Variants in RFTN2 observed in about 807,000 individuals in gnomAD.
RFTN2 encodes the protein raftlin family member 2, also known as raftlin-2.
RFTN2 carries 34 observed loss-of-function variants against 52.7 expected under a neutral mutation model. That is an observed-to-expected ratio of 0.64 (90% CI 0.49 to 0.86). RFTN2 has a LOEUF of 0.86. RFTN2 is among the 40% of genes least tolerant of loss of function. The probability of loss-of-function intolerance (pLI) is 0.00; values close to 1 mark genes in which losing one functional copy is unlikely to be tolerated. For missense variants in RFTN2, 536 were observed against 600.1 expected, an observed-to-expected ratio of 0.89 and a Z score of 1.12; for synonymous variants, 203 against 217.7, an observed-to-expected ratio of 0.93 and a Z score of 0.59.
At chr2:197,665,334 T>C (rs2089036613) in intron 1 of RFTN2, among the ~76,000 whole-genome samples, 1 of 152,166 alleles carries the variant, frequency 6.6e-6, no homozygotes, top group African/African-American at 2.4e-5. Context: ...ACTGTCTGGA[T>C]GATCTGTCTA....
At chr2:197,616,602 T>A (rs996710671) in intron 6 of RFTN2, among the ~76,000 whole-genome samples, 3 of 152,068 alleles carry the variant, frequency 2.0e-5, no homozygotes, top group African/African-American at 7.2e-5. Context: ...GAGGCTGCAT[T>A]TTAACACGAG....
intron 5 of RFTN2, among the ~76,000 whole-genome samples, chr2:197,627,650 G>A (rs2088387638): frequency 6.6e-6 from 1 of 152,314 alleles, no homozygotes; most frequent in South Asian, 2.1e-4. Flanking sequence ...GCCTTAAGAT[G>A]TGGTATCCTA....
At chr2:197,573,650 G>C (rs2087364101) in intron 8 of RFTN2, among the ~76,000 whole-genome samples, 1 of 152,242 alleles carries the variant, frequency 6.6e-6, no homozygotes, top group African/African-American at 2.4e-5. Context: ...TAAGTAACAA[G>C]GAGCCAAATG....
Position 197,572,256 on chromosome 2 carries a change from C to A in RFTN2, c.1258G>T (p.Gly420Cys). 1 of 1,614,014 alleles carries A rather than the reference C, an allele frequency of 6.2e-7. No homozygotes were observed. The highest frequency in any genetic ancestry group is 8.5e-7 in the Non-Finnish European group (1 of 1,179,844). Residue 420 changes from glycine to cysteine, a missense_variant, in exon 9 of 9, where the codon GGT (glycine) becomes TGT (cysteine). By Grantham distance (159) the Gly-to-Cys change is radical. Coordinates refer to ENST00000295049, the MANE Select transcript of RFTN2 (RefSeq NM_144629.3). ...CTAGTGGCTTTATTCTTGTCTTCACCTTTTATGTGGCGGCTGGCTTTCTTC... is the reference window on the plus strand; with the variant it reads ...CTAGTGGCTTTATTCTTGTCTTCACATTTTATGTGGCGGCTGGCTTTCTTC... Reference protein sequence around the residue: ...PDKKASRHIKGEDKNKATSRS... With the variant: ...PDKKASRHIKCEDKNKATSRS...
intron 2 of RFTN2, among the ~76,000 whole-genome samples, chr2:197,645,581 C>G (rs2088736311): frequency 6.6e-6 from 1 of 152,038 alleles, no homozygotes; most frequent in East Asian, 1.9e-4. Flanking sequence ...TCTAGGCTGG[C>G]AAAAATGGTT....
At chr2:197,603,549 C>T (rs551319370) in intron 7 of RFTN2, among the ~76,000 whole-genome samples, 2 of 152,098 alleles carry the variant, frequency 1.3e-5, no homozygotes, top group African/African-American at 4.8e-5. Context: ...ATTCCTGGGC[C>T]CAAGCTATCC....
intron 8 of RFTN2, among the ~76,000 whole-genome samples, chr2:197,590,447 T>C (rs779341151): frequency 1.3e-5 from 2 of 152,126 alleles, no homozygotes; most frequent in African/African-American, 2.4e-5. Context: ...CTCCATAACT[T>C]CCGAAGAAAA....
chr2:197,665,287 G>C (rs1287115229), intron 1 of RFTN2, among the ~76,000 whole-genome samples: 1 of 151,974 alleles, frequency 6.6e-6, no homozygotes, highest in African/African-American at 2.4e-5. Flanking sequence ...AAATCTATTG[G>C]TTTATAATAA....
chr2:197,608,272 A>G (rs557399139), intron 7 of RFTN2, among the ~76,000 whole-genome samples: 41 of 151,120 alleles, frequency 2.7e-4, no homozygotes, highest in Middle Eastern at 3.5e-3. Context: ...GAGAAGACCA[A>G]TTTCTCTTGT....
At chr2:197,575,033 T>A (rs1391284709) in intron 8 of RFTN2, among the ~76,000 whole-genome samples, 1 of 152,198 alleles carries the variant, frequency 6.6e-6, no homozygotes, top group African/African-American at 2.4e-5. Context: ...GAATTGTAGC[T>A]CCCATAATTC....
At chr2:197,592,054 G>A (rs190974229) in intron 8 of RFTN2, among the ~76,000 whole-genome samples, 153 of 152,302 alleles carry the variant, frequency 1.0e-3, no homozygotes, top group African/African-American at 3.3e-3. Flanking sequence ...CAGAGTGGGC[G>A]CCCAGGCTGA....
intron 8 of RFTN2, among the ~76,000 whole-genome samples, chr2:197,578,793 G>T (rs554025635): frequency 1.9e-4 from 29 of 152,216 alleles, no homozygotes; most frequent in African/African-American, 6.7e-4. Context: ...GCCGTGATTC[G>T]GATTGGGGGA....
chr2:197,631,575 T>C (rs2088469875), intron 4 of RFTN2, among the ~76,000 whole-genome samples: 1 of 152,252 alleles, frequency 6.6e-6, no homozygotes, highest in Non-Finnish European at 1.5e-5. Flanking sequence ...GGTATCCTAC[T>C]GTAGATATGA....
At chr2:197,625,522 G>T (rs2088339788) in intron 5 of RFTN2, among the ~76,000 whole-genome samples, 1 of 152,078 alleles carries the variant, frequency 6.6e-6, no homozygotes, top group South Asian at 2.1e-4. Context: ...ACTCTAAAAA[G>T]AATCTTAGCC....
chr2:197,594,103 C>T (rs551029525), intron 8 of RFTN2, among the ~76,000 whole-genome samples: 3 of 150,176 alleles, frequency 2.0e-5, no homozygotes, highest in South Asian at 2.1e-4. Context: ...ACAACCTCTA[C>T]CTCCTGGGTT....
At chr2:197,652,985 T>C (rs1184143664) in intron 1 of RFTN2, among the ~76,000 whole-genome samples, 1 of 152,210 alleles carries the variant, frequency 6.6e-6, no homozygotes, top group Non-Finnish European at 1.5e-5. Context: ...GGCAGGAGGC[T>C]CACTAAGTTC....
chr2:197,644,347 G>T, intron 2 of RFTN2, 75 bp from the exon 3 acceptor site: 1 of 786,398 alleles, frequency 1.3e-6, no homozygotes, highest in Non-Finnish European at 2.2e-6. Flanking sequence ...GTGAAAATGA[G>T]TGAGCAACTC....
chr2:197,626,288 T>C (rs998439236), intron 5 of RFTN2, among the ~76,000 whole-genome samples: 3 of 152,060 alleles, frequency 2.0e-5, no homozygotes, highest in African/African-American at 7.2e-5. Flanking sequence ...AAGCATGGCC[T>C]GGCACGATGG....
At chr2:197,630,644 A>G (rs1403780717) in intron 5 of RFTN2, among the ~76,000 whole-genome samples, 3 of 152,202 alleles carry the variant, frequency 2.0e-5, no homozygotes, top group Non-Finnish European at 4.4e-5. Flanking sequence ...TAGTGTTCAA[A>G]ATTGGGATAA....
Sources: gnomAD v4.1 joint callset for allele counts (sites outside exome capture counted in the v4.1 genomes callset) on GRCh38, gnomAD v4.1.1 for gene constraint, MANE v1.5 for transcripts, NCBI Gene and HGNC (gene_info 2026-07-23, HGNC 2026-07-21) for gene names.